The following LMAN1 variants were observed in gnomAD, a reference collection of about 807,000 sequenced individuals.
LMAN1 encodes the protein protein ERGIC-53.
LMAN1 carries 32 observed loss-of-function variants against 67.8 expected under a neutral mutation model. The observed-to-expected ratio is 0.47, with a 90% CI of 0.36 to 0.63. The LOEUF (loss-of-function observed/expected upper bound fraction) is 0.63. Among genes scored for constraint, LMAN1 ranks in the 30% least tolerant of loss-of-function variants. LMAN1 has a pLI of 0.00. For synonymous variants in LMAN1, 235 were observed against 219.3 expected (o/e 1.07, Z -0.63); for missense variants, 632 against 628.2 (o/e 1.01, Z -0.06).
intron 10 of LMAN1, among the ~76,000 whole-genome samples, chr18:59,336,774 C>T (rs1568113099): frequency 6.6e-6 from 1 of 152,002 alleles, no homozygotes; most frequent in African/African-American, 2.4e-5. Context: ...GTCCCAGCTA[C>T]TCAGGAGGCT....
At chr18:59,358,906 C>T in intron 1 of LMAN1, 125 bp downstream of exon 1, 1 of 982,104 alleles carries the variant, frequency 1.0e-6, no homozygotes, top group Non-Finnish European at 1.6e-6. Context: ...GTCCCCTCCA[C>T]AGCGCATATG....
intron 5 of LMAN1, among the ~76,000 whole-genome samples, chr18:59,351,048 ACTTT>A (rs1262508130): frequency 1.3e-5 from 2 of 152,120 alleles, no homozygotes; most frequent in African/African-American, 4.8e-5. Context: ...ACCTCCTCTT[ACTTT>A]GTTTTTCCCT....
At chr18:59,345,888 C>T (rs376625216) in intron 8 of LMAN1, 31 bp downstream of exon 8, 63 of 1,612,928 alleles carry the variant, frequency 3.9e-5, no homozygotes, top group Middle Eastern at 1.6e-4. Flanking sequence ...AGCCCTGCTG[C>T]GGCACCCATG....
In LMAN1 at chr18:59,359,052, GC is replaced by G. The variant is rs1908733855; in HGVS notation, c.192del (p.Phe66SerfsTer17). 1.9e-6 allele frequency: 3 copies of G among 1,614,002 alleles called. No homozygotes were observed. The highest frequency in any genetic ancestry group is 2.5e-6 in the Non-Finnish European group (3 of 1,179,964). ...TTACTCCCCGCGTGGGCCCAGAAGG[GC>G]ACGGTCCCGTCGCTCTGCACCAGGT... ...GPHLVQSDGT[V>X]PFWAHAGNAI... On this transcript the variant is annotated frameshift_variant, in exon 1 of 13. Coordinates refer to ENST00000251047, the MANE Select transcript of LMAN1 (RefSeq NM_005570.4). LOFTEE classifies it high-confidence loss of function.
intron 8 of LMAN1, among the ~76,000 whole-genome samples, chr18:59,342,150 G>C (rs1908302393): frequency 6.6e-6 from 1 of 151,822 alleles, no homozygotes; most frequent in Non-Finnish European, 1.5e-5. Flanking sequence ...CTCCTGAACA[G>C]ATCAATAATG....
chr18:59,343,241 T>C (rs1182826947), intron 8 of LMAN1, among the ~76,000 whole-genome samples: 1 of 151,828 alleles, frequency 6.6e-6, no homozygotes, highest in Admixed American at 6.6e-5. Flanking sequence ...TATCTACTAG[T>C]TCTAGACACT....
rs1477634780 is a variant in LMAN1, at chr18:59,350,686, G to A, written c.640-1450C>T. On this transcript the variant is annotated intron_variant, in intron 5 of 12. Transcript: ENST00000251047. ...ATTTTTTTGTATTTTTAGTAGAGGC[G>A]GGGTTTCACCGTGTGAGCCAGGATG... 3.3e-5 allele frequency among the ~76,000 whole-genome samples: 5 copies of A among 152,082 alleles called. No individual in the cohort carries two copies. The East Asian group carries it at 5.8e-4, about 18-fold the overall frequency.
intron 10 of LMAN1, among the ~76,000 whole-genome samples, chr18:59,335,495 G>A (rs929022924): frequency 6.6e-6 from 1 of 151,914 alleles, no homozygotes. Flanking sequence ...AAGAAATACA[G>A]GAAGAACAAA....
In LMAN1 at chr18:59,328,934, T is replaced by G. The variant is rs2070730884; in HGVS notation, c.*2159A>C. ...TAGACACAATGACTTACATAAAAATTTTAAAATCAATTTTGTTTTAATCCA... is the reference window on the plus strand; with the variant it reads ...TAGACACAATGACTTACATAAAAATGTTAAAATCAATTTTGTTTTAATCCA... On this transcript the variant is annotated 3_prime_UTR_variant, in exon 13 of 13. Transcript: ENST00000251047. The G allele has an allele frequency of 6.6e-6, 1 of 152,190 alleles. No individual in the cohort carries two copies. Among genetic ancestry groups the G allele is most frequent in the Admixed American group, 6.5e-5 (1 of 15,272 alleles). The allele number at this position is 152,190 out of a possible 1,614,324, so 9.4% of individuals were successfully genotyped here. A position where few individuals can be genotyped will look rare whatever the true frequency, so the allele number is the denominator to read the frequency against.
intron 1 of LMAN1, among the ~76,000 whole-genome samples, chr18:59,356,851 A>G (rs1488319695): frequency 6.6e-6 from 1 of 152,218 alleles, no homozygotes; most frequent in Non-Finnish European, 1.5e-5. Context: ...CAAATCAGAG[A>G]ATGAAAGTGA....
chr18:59,358,968 A>G, intron 1 of LMAN1, 63 bp downstream of exon 1: 2 of 1,521,100 alleles, frequency 1.3e-6, no homozygotes, highest in South Asian at 2.2e-5. Context: ...GCCGCGGATG[A>G]AAGGCGAAGA....
intron 3 of LMAN1, among the ~76,000 whole-genome samples, 171 bp downstream of exon 3, chr18:59,355,142 T>C (rs1908630745): frequency 6.6e-6 from 1 of 152,184 alleles, no homozygotes; most frequent in South Asian, 2.1e-4. Flanking sequence ...ACATGTAAAT[T>C]AAACTGATAC....
rs147071939 is a variant in LMAN1 at position 59,333,146 on chromosome 18, T to C, written c.1319A>G (p.Lys440Arg). ...CCTCTTTACTATGTGCAGGTGCTCT[T>C]TGATGTCAATGAAGTGCTGTGTTGT... ...YETTQHFIDI[K>R]EHLHIVKRDI... is the part of the protein sequence containing the mutation. The change falls in exon 11 of 13, where the codon AAA becomes AGA. Residue 440 changes from lysine (K) to arginine (R), a missense_variant. Transcript: ENST00000251047. 1,268 of 1,613,678 alleles carry C rather than the reference T, an allele frequency of 7.9e-4. 1 individual carries two copies. Among genetic ancestry groups the C allele is most frequent in the Non-Finnish European group, 1.0e-3 (1,197 of 1,179,784 alleles).
At chr18:59,354,959 G>A (rs1278004526) in intron 3 of LMAN1, among the ~76,000 whole-genome samples, 1 of 152,198 alleles carries the variant, frequency 6.6e-6, no homozygotes, top group East Asian at 1.9e-4. Flanking sequence ...TCATGGACTT[G>A]GATGTGCTTA....
At chr18:59,348,843 AAT>A (rs1908477780) in intron 6 of LMAN1, among the ~76,000 whole-genome samples, 1 of 152,180 alleles carries the variant, frequency 6.6e-6, no homozygotes, top group Admixed American at 6.5e-5. Flanking sequence ...CTCTACTTTA[AAT>A]ATGTCTCCTT....
Position 59,330,978 on chromosome 18 carries a change from GTTATT to G in LMAN1, c.*110_*114del, listed in dbSNP as rs1162962369. 1.8e-5 allele frequency: 13 copies of G among 736,052 alleles called. No homozygotes were observed. The highest frequency in any genetic ancestry group is 4.9e-5 in the Admixed American group (2 of 40,762). 45.6% of individuals were successfully genotyped at this position (736,052 alleles called of 1,614,324 possible). A position where few individuals can be genotyped will look rare whatever the true frequency, so the allele number is the denominator to read the frequency against. On this transcript the variant is annotated 3_prime_UTR_variant, in exon 13 of 13. Transcript: ENST00000251047. ...TTAACTGCAAATCAATGTTTAAACA[GTTATT>G]TTATTAAGAAAATTAATAATTTAGA...
intron 12 of LMAN1, 61 bp downstream of exon 12, chr18:59,331,357 G>T: frequency 6.8e-7 from 1 of 1,480,982 alleles, no homozygotes; most frequent in South Asian, 1.1e-5. Flanking sequence ...TAACTTAGTT[G>T]AATATTTCTA....
At chr18:59,339,190 A>C (rs1908232696) in intron 8 of LMAN1, among the ~76,000 whole-genome samples, 1 of 152,200 alleles carries the variant, frequency 6.6e-6, no homozygotes, top group Non-Finnish European at 1.5e-5. Flanking sequence ...TTTTTTATTT[A>C]AAAACAATTT....
Position 59,354,532 on chromosome 18 carries a change from A to C in LMAN1, c.526T>G (p.Tyr176Asp), listed in dbSNP as rs752714928. The change falls in exon 4 of 13, where the codon TAT becomes GAT. Residue 176 changes from tyrosine to aspartate, a missense_variant. Transcript: ENST00000251047. ...VIIGNNGQIH[Y>D]DHQNDGASQA... Reference sequence around the variant, plus strand: ...ACACACACTTACTTTTGATGGTCATAATGGATTTGTCCATTGTTGCCTATA... The same window carrying C: ...ACACACACTTACTTTTGATGGTCATCATGGATTTGTCCATTGTTGCCTATA... The C allele has an allele frequency of 6.6e-7, 1 of 1,511,304 alleles. No homozygotes were observed. Among genetic ancestry groups the C allele is most frequent in the Non-Finnish European group, 9.2e-7 (1 of 1,086,850 alleles). 93.6% of individuals were successfully genotyped at this position (1,511,304 alleles called of 1,614,324 possible). A position where few individuals can be genotyped will look rare whatever the true frequency, so the allele number is the denominator to read the frequency against.
Sources: allele counts gnomAD v4.1 joint callset (sites outside exome capture counted in the v4.1 genomes callset), GRCh38; gene constraint gnomAD v4.1.1; transcripts MANE v1.5; gene names NCBI Gene and HGNC (gene_info 2026-07-23, HGNC 2026-07-21).